MOAP1: variants seen among roughly 807,000 people sequenced by gnomAD.
MOAP1 encodes modulator of apoptosis 1.
For synonymous variants in MOAP1, 150 were observed against 161.0 expected, an observed-to-expected ratio of 0.93 and a Z score of 0.52; for missense variants, 385 against 418.6, an observed-to-expected ratio of 0.92 and a Z score of 0.70.
chr14:93,183,329 T>C lies in MOAP1; in HGVS notation c.914A>G (p.Lys305Arg). ...LDQVIAGAVH[K>R]TIRRELNLPE... The stretch of plus-strand genomic sequence containing the variant: ...CAGATTAAGCTCTCTGCGAATTGTT[T>C]TGTGGACTGCCCCAGCAATGACTTG... The change falls in exon 3 of 3, where the codon AAA becomes AGA. Residue 305 changes from lysine (K) to arginine (R), a missense_variant. Physicochemically the swap from Lys to Arg is conservative, Grantham distance 26 (BLOSUM62 2). Coordinates refer to ENST00000298894, the MANE Select transcript of MOAP1 (RefSeq NM_022151.5). 6.2e-7 allele frequency: 1 copy of C among 1,614,220 alleles called. No individual in the cohort carries two copies. Among genetic ancestry groups the C allele is most frequent in the Non-Finnish European group, 8.5e-7 (1 of 1,180,038 alleles).
Position 93,184,014 on chromosome 14 carries a change from G to A in MOAP1, c.229C>T (p.Leu77=), listed in dbSNP as rs200304311. The A allele has an allele frequency of 6.2e-7, 1 of 1,613,986 alleles. No homozygotes were observed. Among genetic ancestry groups the A allele is most frequent in the Non-Finnish European group, 8.5e-7 (1 of 1,179,946 alleles). The change falls in exon 3 of 3, where the codon CTG becomes TTG. Residue 77 remains leucine (L), a synonymous_variant. Transcript: ENST00000298894. This position sits in a 1 kb window ranked among gnomAD's most constrained non-coding sequence, Gnocchi z 4.2. The part of the protein sequence containing the change: ...VGLTAETSHA[L]VPKEIPGKGG... ...TTTCCCGGTATCTCCTTAGGGACCA[G>A]GGCGTGACTAGTCTCCGCAGTAAGC...
At position 93,184,289 on chromosome 14, in the gene MOAP1, G is replaced by A. The variant is rs780761451; in HGVS notation, c.-47C>T. The A allele has an allele frequency of 3.8e-6, 5 of 1,317,344 alleles. No individual in the cohort carries two copies. In the African/African-American group the frequency reaches 6.0e-5, roughly 16 times the overall value. 81.6% of individuals were successfully genotyped at this position (1,317,344 alleles called of 1,614,324 possible). ...AAGTTCTAAATATGCCAGACCACAGGCGACCACCGAAATTCAAAGTAATCC... is the reference window on the plus strand; with the variant it reads ...AAGTTCTAAATATGCCAGACCACAGACGACCACCGAAATTCAAAGTAATCC... On this transcript the variant is annotated 5_prime_UTR_variant, in exon 3 of 3. Transcript: ENST00000298894. This position sits in a 1 kb window ranked among gnomAD's most constrained non-coding sequence, Gnocchi z 4.2.
In MOAP1 at chr14:93,184,337, T is replaced by C; in HGVS notation, c.-95A>G. ...TCCTCCGCGGTACCCCAGAGAAATC[T>C]TGTCAACGTGCCGAGGTCCAGCAGC... is the stretch of plus-strand genomic sequence containing the variant. On this transcript the variant is annotated 5_prime_UTR_variant, in exon 3 of 3. Transcript: ENST00000298894. This position sits in a 1 kb window ranked among gnomAD's most constrained non-coding sequence, Gnocchi z 4.2. The C allele has an allele frequency of 1.4e-6, 1 of 691,334 alleles. No individual in the cohort carries two copies. Among genetic ancestry groups the C allele is most frequent in the Non-Finnish European group, 2.0e-6 (1 of 507,182 alleles). 42.8% of individuals were successfully genotyped at this position (691,334 alleles called of 1,614,324 possible). A position where few individuals can be genotyped will look rare whatever the true frequency, so the allele number is the denominator to read the frequency against.
rs754478749 is a variant in MOAP1 at position 93,183,501 on chromosome 14, T to C, written c.742A>G (p.Arg248Gly). 11 of 1,614,060 alleles carry C rather than the reference T, an allele frequency of 6.8e-6. No homozygotes were observed. Among genetic ancestry groups the C allele is most frequent in the Non-Finnish European group, 9.3e-6 (11 of 1,180,022 alleles). Residue 248 changes from arginine (R) to glycine (G), a missense_variant, in exon 3 of 3, where the codon AGG becomes GGG. Physicochemically the swap from Arg to Gly is moderately radical, Grantham distance 125. Transcript: ENST00000298894. ...EEVFGVTDNP[R>G]ELQVKYLTTY... ...GTTAGATATTTGACCTGCAACTCCCTAGGATTATCTGTAACCCCAAATACC... is the reference window on the plus strand; with the variant it reads ...GTTAGATATTTGACCTGCAACTCCCCAGGATTATCTGTAACCCCAAATACC...
In MOAP1 at chr14:93,183,578, T is replaced by C. The variant is rs199543045; in HGVS notation, c.665A>G (p.Lys222Arg). Residue 222 changes from lysine to arginine, a missense_variant, in exon 3 of 3, where the codon AAG becomes AGG. Transcript: ENST00000298894. The part of the protein sequence containing the change: ...GPALDVIRVL[K>R]INNPLITVDE... ...GACAGTAATTAAAGGATTGTTTATC[T>C]TGAGGACACGAATAACATCAAGTGC... The C allele has an allele frequency of 5.6e-6, 9 of 1,614,106 alleles. No homozygotes were observed. The highest frequency in any genetic ancestry group is 6.8e-6 in the Non-Finnish European group (8 of 1,180,052).
Position 93,184,294 on chromosome 14 carries a change from C to A in MOAP1, c.-52G>T. 3 of 1,284,482 alleles carry A rather than the reference C, an allele frequency of 2.3e-6. No homozygotes were observed. The highest frequency in any genetic ancestry group is 3.0e-6 in the Non-Finnish European group (3 of 993,422). The allele number at this position is 1,284,482 out of a possible 1,614,324, so 79.6% of individuals were successfully genotyped here. A position where few individuals can be genotyped will look rare whatever the true frequency, so the allele number is the denominator to read the frequency against. On this transcript the variant is annotated 5_prime_UTR_variant, in exon 3 of 3. Coordinates refer to ENST00000298894, the MANE Select transcript of MOAP1 (RefSeq NM_022151.5). This position sits in a 1 kb window ranked among gnomAD's most constrained non-coding sequence, Gnocchi z 4.2. The stretch of plus-strand genomic sequence containing the variant: ...CTAAATATGCCAGACCACAGGCGAC[C>A]ACCGAAATTCAAAGTAATCCTCCGC...
In MOAP1 at chr14:93,183,675, G is replaced by A; in HGVS notation, c.568C>T (p.Gln190Ter). 1.2e-6 allele frequency: 2 copies of A among 1,614,154 alleles called. No individual in the cohort carries two copies. Among genetic ancestry groups the A allele is most frequent in the Non-Finnish European group, 1.7e-6 (2 of 1,180,032 alleles). The change falls in exon 3 of 3, where the codon CAG becomes TAG. Residue 190 changes from glutamine to a stop codon, truncating the protein, a stop_gained. Coordinates refer to ENST00000298894, the MANE Select transcript of MOAP1 (RefSeq NM_022151.5). LOFTEE classifies it low-confidence loss of function (END_TRUNC). ...EFGRWMFHTT[Q>*]MIKAWQVPDV... Reference sequence around the variant, plus strand: ...GGCACCTGCCACGCCTTTATCATCTGAGTAGTATGAAACATCCAGCGTCCA... The same window carrying A: ...GGCACCTGCCACGCCTTTATCATCTAAGTAGTATGAAACATCCAGCGTCCA...
In MOAP1 at chr14:93,184,713, T is replaced by C. The variant is rs1363421096; in HGVS notation, c.-275A>G. On this transcript the variant is annotated splice_region_variant and 5_prime_UTR_variant, in exon 2 of 3. Coordinates refer to ENST00000298894, the MANE Select transcript of MOAP1 (RefSeq NM_022151.5). This position sits in a 1 kb window ranked among gnomAD's most constrained non-coding sequence, Gnocchi z 4.2. ...GGTACTCCAGGTGCCTGTGGTACTG[T>C]CTGCAACGAGAAGTGATGGGGCGAT... The C allele has an allele frequency of 1.3e-5, 2 of 152,270 alleles. No individual in the cohort carries two copies. The highest frequency in any genetic ancestry group is 2.9e-5 in the Non-Finnish European group (2 of 68,160). The allele number at this position is 152,270 out of a possible 1,614,324, so 9.4% of individuals were successfully genotyped here. A position where few individuals can be genotyped will look rare whatever the true frequency, so the allele number is the denominator to read the frequency against.
Position 93,183,577 on chromosome 14 carries a change from C to T in MOAP1, c.666G>A (p.Lys222=). ...CGACAGTAATTAAAGGATTGTTTAT[C>T]TTGAGGACACGAATAACATCAAGTG... The part of the protein sequence containing the change: ...GPALDVIRVL[K]INNPLITVDE... Residue 222 remains lysine (K), a synonymous_variant, in exon 3 of 3, where the codon AAG becomes AAA. Transcript: ENST00000298894. 1 of 1,614,206 alleles carries T rather than the reference C, an allele frequency of 6.2e-7. No individual in the cohort carries two copies. The highest frequency in any genetic ancestry group is 8.5e-7 in the Non-Finnish European group (1 of 1,180,038).
rs751388055 is a variant in MOAP1 at position 93,183,270 on chromosome 14, A to G, written c.973T>C (p.Leu325=). 10 of 1,614,148 alleles carry G rather than the reference A, an allele frequency of 6.2e-6. No individual in the cohort carries two copies. Among genetic ancestry groups the G allele is most frequent in the Non-Finnish European group, 8.5e-6 (10 of 1,180,032 alleles). ...TCATAATCCTTTATTAGTACCAATA[A>G]CTGCAAGAAACCAGGGGCTGGGCCA... The part of the protein sequence containing the change: ...EDGPAPGFLQ[L]LVLIKDYEAA... The change falls in exon 3 of 3, where the codon TTA becomes CTA. Residue 325 remains leucine, a synonymous_variant. Transcript: ENST00000298894.
At position 93,183,587 on chromosome 14, in the gene MOAP1, C is replaced by A. The variant is rs769860098; in HGVS notation, c.656G>T (p.Arg219Leu). ...SLRGPALDVI[R>L]VLKINNPLIT... ...TAAAGGATTGTTTATCTTGAGGACA[C>A]GAATAACATCAAGTGCTGGGCCTCG... Residue 219 changes from arginine (R) to leucine (L), a missense_variant, in exon 3 of 3, where the codon CGT (arginine) becomes CTT (leucine). By Grantham distance (102) the Arg-to-Leu change is moderately radical (BLOSUM62 -2). Transcript: ENST00000298894. 21 of 1,614,212 alleles carry A rather than the reference C, an allele frequency of 1.3e-5. No homozygotes were observed. The highest frequency in any genetic ancestry group is 3.3e-4 in the Middle Eastern group (2 of 6,062).
rs771921741 is a variant in MOAP1, at chr14:93,183,390, T to C, written c.853A>G (p.Ile285Val). The change falls in exon 3 of 3, where the codon ATT becomes GTT. Residue 285 changes from isoleucine to valine, a missense_variant. Ile to Val is a conservative substitution (Grantham distance 29). Coordinates refer to ENST00000298894, the MANE Select transcript of MOAP1 (RefSeq NM_022151.5). ...LLQKLVQRGA[I>V]ERDAVNQARL... Reference sequence around the variant, plus strand: ...GCCTGATTCACAGCATCTCTCTCAATTGCTCCTCTCTGTACCAGCTTCTGT... The same window carrying C: ...GCCTGATTCACAGCATCTCTCTCAACTGCTCCTCTCTGTACCAGCTTCTGT... 3.5e-5 allele frequency: 56 copies of C among 1,614,078 alleles called. No homozygotes were observed. The highest frequency in any genetic ancestry group is 1.6e-4 in the Middle Eastern group (1 of 6,084).
chr14:93,183,326 G>GT lies in MOAP1; in HGVS notation c.916dup (p.Thr306AsnfsTer7), dbSNP rs1893968017. On this transcript the variant is annotated frameshift_variant, in exon 3 of 3. Coordinates refer to ENST00000298894, the MANE Select transcript of MOAP1 (RefSeq NM_022151.5). LOFTEE classifies it low-confidence loss of function (END_TRUNC). ...TGGCAGATTAAGCTCTCTGCGAATT[G>GT]TTTTGTGGACTGCCCCAGCAATGAC... 6.2e-7 allele frequency: 1 copy of GT among 1,614,072 alleles called. No homozygotes were observed. The highest frequency in any genetic ancestry group is 8.5e-7 in the Non-Finnish European group (1 of 1,180,046).
chr14:93,183,290 G>A lies in MOAP1; in HGVS notation c.953C>T (p.Pro318Leu). Reference protein sequence around the residue: ...RRELNLPEDGPAPGFLQLLVL... With the variant: ...RRELNLPEDGLAPGFLQLLVL... ...CAATAACTGCAAGAAACCAGGGGCT[G>A]GGCCATCCTCTGGCAGATTAAGCTC... The change falls in exon 3 of 3, where the codon CCA becomes CTA. Residue 318 changes from proline to leucine, a missense_variant. Coordinates refer to ENST00000298894, the MANE Select transcript of MOAP1 (RefSeq NM_022151.5). 6.2e-7 allele frequency: 1 copy of A among 1,614,152 alleles called. No individual in the cohort carries two copies. The highest frequency in any genetic ancestry group is 1.1e-5 in the South Asian group (1 of 91,080).
chr14:93,183,888 C>T lies in MOAP1; in HGVS notation c.355G>A (p.Glu119Lys). 1 of 1,614,054 alleles carries T rather than the reference C, an allele frequency of 6.2e-7. No homozygotes were observed. The part of the protein sequence containing the change: ...FLAGEGMTVG[E>K]LSRALGHENG... Reference sequence around the variant, plus strand: ...TCATGTCCAAGAGCTCTGCTCAACTCACCCACTGTCATGCCCTCTCCCGCT... The same window carrying T: ...TCATGTCCAAGAGCTCTGCTCAACTTACCCACTGTCATGCCCTCTCCCGCT... The change falls in exon 3 of 3, where the codon GAG becomes AAG. Residue 119 changes from glutamate to lysine, a missense_variant. Transcript: ENST00000298894.
Position 93,184,348 on chromosome 14 carries a change from C to A in MOAP1, c.-106G>T, listed in dbSNP as rs1893991361. The A allele has an allele frequency of 5.4e-6, 3 of 559,066 alleles. No homozygotes were observed. The highest frequency in any genetic ancestry group is 1.1e-4 in the South Asian group (2 of 19,002). The allele number at this position is 559,066 out of a possible 1,614,324, so 34.6% of individuals were successfully genotyped here. A position where few individuals can be genotyped will look rare whatever the true frequency, so the allele number is the denominator to read the frequency against. ...ACCCCAGAGAAATCTTGTCAACGTG[C>A]CGAGGTCCAGCAGCCTGCAAGACAG... On this transcript the variant is annotated 5_prime_UTR_variant, in exon 3 of 3. Coordinates refer to ENST00000298894, the MANE Select transcript of MOAP1 (RefSeq NM_022151.5). This position sits in a 1 kb window ranked among gnomAD's most constrained non-coding sequence, Gnocchi z 4.2.
At position 93,183,931 on chromosome 14, in the gene MOAP1, G is replaced by A. The variant is rs1418859626; in HGVS notation, c.312C>T (p.Ser104=). The change falls in exon 3 of 3, where the codon AGC becomes AGT. Residue 104 remains serine (S), a synonymous_variant. Coordinates refer to ENST00000298894, the MANE Select transcript of MOAP1 (RefSeq NM_022151.5). ...KPPDPDNTFL[S]RLNEFLAGEG... is the part of the protein sequence containing the mutation. Reference sequence around the variant, plus strand: ...CTCCCGCTAAAAATTCATTTAATCTGCTTAAAAATGTATTATCTGGGTCAG... The same window carrying A: ...CTCCCGCTAAAAATTCATTTAATCTACTTAAAAATGTATTATCTGGGTCAG... 6.2e-7 allele frequency: 1 copy of A among 1,614,058 alleles called. No individual in the cohort carries two copies. The highest frequency in any genetic ancestry group is 8.5e-7 in the Non-Finnish European group (1 of 1,180,032).
rs1251470659 is a variant in MOAP1 at position 93,184,415 on chromosome 14, G to C, written c.-120-53C>G. 4.9e-6 allele frequency: 1 copy of C among 205,266 alleles called. No homozygotes were observed. Among genetic ancestry groups the C allele is most frequent in the Non-Finnish European group, 9.0e-6 (1 of 111,332 alleles). The allele number at this position is 205,266 out of a possible 1,614,324, so 12.7% of individuals were successfully genotyped here. On this transcript the variant is annotated intron_variant, in intron 2 of 2. Coordinates refer to ENST00000298894, the MANE Select transcript of MOAP1 (RefSeq NM_022151.5). The surrounding 1 kb of genome is among the most constrained non-coding windows in gnomAD (Gnocchi z 4.2). The stretch of plus-strand genomic sequence containing the variant: ...AAAGGTGCCAACGTCCAGGGCAAGC[G>C]TGCAGGCCCCAAGCCCCGCGCGCCC...
rs535746689 is a variant in MOAP1, at chr14:93,183,801, G to T, written c.442C>A (p.Gln148Lys). The change falls in exon 3 of 3, where the codon CAG (glutamine) becomes AAG (lysine). Residue 148 changes from glutamine to lysine, a missense_variant. Physicochemically the swap from Gln to Lys is moderately conservative, Grantham distance 53. Transcript: ENST00000298894. ...IPEMWAPMLA[Q>K]ALEALQPALQ... ...GCAGGCTGAAGAGCCTCTAATGCCT[G>T]TGCCAACATAGGGGCCCACATTTCC... The T allele has an allele frequency of 1.2e-5, 20 of 1,613,934 alleles. No homozygotes were observed. In the Admixed American group the frequency reaches 2.7e-4, roughly 22 times the overall value.
Sources: gnomAD v4.1 joint callset for allele counts on GRCh38, gnomAD v4.1.1 for gene constraint, Gnocchi (gnomAD v3.1) non-coding constraint, MANE v1.5 for transcripts, NCBI Gene and HGNC (gene_info 2026-07-23, HGNC 2026-07-21) for gene names.